The following GRIP2 variants were observed in gnomAD, a reference collection of about 807,000 sequenced individuals.
GRIP2 encodes the protein glutamate receptor interacting protein 2, also known as glutamate receptor-interacting protein 2.
GRIP2 carries 58 observed loss-of-function variants against 108.3 expected under a neutral mutation model. The observed-to-expected ratio is 0.54, with a 90% CI of 0.43 to 0.67. The LOEUF (loss-of-function observed/expected upper bound fraction) is 0.67. Among genes scored for constraint, GRIP2 ranks in the 30% least tolerant of loss-of-function variants. The probability of loss-of-function intolerance (pLI) is 0.00; values close to 1 mark genes in which losing one functional copy is unlikely to be tolerated. For missense variants in GRIP2, 1,278 were observed against 1,430.6 expected, an observed-to-expected ratio of 0.89 and a Z score of 1.72; for synonymous variants, 586 against 598.2, an observed-to-expected ratio of 0.98 and a Z score of 0.30.
chr3:14,497,348 T>C (rs760150729), intron 21 of GRIP2, among the ~76,000 whole-genome samples: 1 of 152,154 alleles, frequency 6.6e-6, no homozygotes, highest in Admixed American at 6.5e-5. Context: ...GCAGTAAGTG[T>C]TACAGAGGTG....
intron 1 of GRIP2, among the ~76,000 whole-genome samples, chr3:14,537,515 C>T (rs1694861622): frequency 6.6e-6 from 1 of 152,274 alleles, no homozygotes; most frequent in African/African-American, 2.4e-5. Context: ...GTAGTACATG[C>T]TCAGCAAATA....
chr3:14,494,230 G>A (rs971884772), intron 23 of GRIP2, among the ~76,000 whole-genome samples: 2 of 152,188 alleles, frequency 1.3e-5, no homozygotes, highest in African/African-American at 4.8e-5. Flanking sequence ...TCCTAATGGA[G>A]ACAAAAAGTT....
At chr3:14,588,458 C>G in the GRIP2 span, among the ~76,000 whole-genome samples, 1 of 152,134 alleles carries the variant, frequency 6.6e-6, no homozygotes, top group East Asian at 1.9e-4. Context: ...TGTCCTCAGA[C>G]ATCAGCCTCA....
Position 14,509,855 on chromosome 3 carries a change from G to A in GRIP2, c.2043C>T (p.Val681=). 1 of 1,539,362 alleles carries A rather than the reference G, an allele frequency of 6.5e-7. No homozygotes were observed. Among genetic ancestry groups the A allele is most frequent in the Non-Finnish European group, 8.8e-7 (1 of 1,140,830 alleles). ...SGTEEPFDPI[V]ISGLTKRGLA... is the part of the protein sequence containing the mutation. Reference sequence around the variant, plus strand: ...GGCCACGCTTGGTGAGGCCTGAGATGACAATGGGGTCAAAAGGTTCCTCCG... The same window carrying A: ...GGCCACGCTTGGTGAGGCCTGAGATAACAATGGGGTCAAAAGGTTCCTCCG... The change falls in exon 17 of 24, where the codon GTC becomes GTT. Residue 681 remains valine (V), a synonymous_variant. Transcript: ENST00000621039.
At position 14,510,367 on chromosome 3, in the gene GRIP2, T is replaced by C. The variant is rs1431245536; in HGVS notation, c.1934-403A>G. Among the ~76,000 whole-genome samples the C allele has an allele frequency of 2.0e-5, 3 of 150,164 alleles. No homozygotes were observed. The East Asian group carries it at 6.0e-4, about 30-fold the overall frequency. On this transcript the variant is annotated intron_variant, in intron 16 of 23. Transcript: ENST00000621039. Reference sequence around the variant, plus strand: ...CATACCTCTGCTTCCAGGGTTCAAGTGATCCTCCCACCTCAGCCTCCCAAG... The same window carrying C: ...CATACCTCTGCTTCCAGGGTTCAAGCGATCCTCCCACCTCAGCCTCCCAAG...
chr3:14,572,668 A>G, the GRIP2 span, among the ~76,000 whole-genome samples: 1 of 151,314 alleles, frequency 6.6e-6, no homozygotes, highest in Non-Finnish European at 1.5e-5. Context: ...GAAGTAGTAT[A>G]ATAAATGCCC....
chr3:14,550,380 C>T (rs558180684), intron 1 of GRIP2, among the ~76,000 whole-genome samples: 1 of 152,268 alleles, frequency 6.6e-6, no homozygotes, highest in South Asian at 2.1e-4. Context: ...TCCAAGCCCT[C>T]GGCACCTCTC....
rs770893833 is a variant in GRIP2 at position 14,521,647 on chromosome 3, G to T, written c.707C>A (p.Thr236Asn). The stretch of plus-strand genomic sequence containing the variant: ...CACTCAGGCCCCCAACTCACCAGGG[G>T]TGGCCACATCATACTCCACCTGAAA... ...ALFQVEYDVA[T>N]PDTVANASGP... Residue 236 changes from threonine to asparagine, a missense_variant, in exon 7 of 24, where the codon ACC (threonine) becomes AAC (asparagine). By Grantham distance (65) the Thr-to-Asn change is moderately conservative (BLOSUM62 0). Coordinates refer to ENST00000621039, the MANE Select transcript of GRIP2 (RefSeq NM_001080423.4). The surrounding 1 kb of genome is among the most constrained non-coding windows in gnomAD (Gnocchi z 5.1). 2 of 1,608,428 alleles carry T rather than the reference G, an allele frequency of 1.2e-6. No individual in the cohort carries two copies. Among genetic ancestry groups the T allele is most frequent in the Non-Finnish European group, 1.7e-6 (2 of 1,176,990 alleles).
the GRIP2 span, chr3:14,573,953 G>T: frequency 9.2e-7 from 1 of 1,085,732 alleles, no homozygotes. Flanking sequence ...CTGCGCGAAT[G>T]AAGCTGTGCA....
Position 14,520,186 on chromosome 3 carries a change from G to A in GRIP2, c.954C>T (p.Ala318=). The change falls in exon 9 of 24, where the codon GCC becomes GCT. Residue 318 remains alanine (A), a synonymous_variant. Transcript: ENST00000621039. Reference sequence around the variant, plus strand: ...CCAGCCGCACCTTCTCTGAAATGCTGGCCAGGAGCTTGGTGGCCTCAAGCA... The same window carrying A: ...CCAGCCGCACCTTCTCTGAAATGCTAGCCAGGAGCTTGGTGGCCTCAAGCA... ...CSLLEATKLL[A]SISEKVRLEI... is the part of the protein sequence containing the mutation. 6.2e-7 allele frequency: 1 copy of A among 1,613,140 alleles called. No individual in the cohort carries two copies. The highest frequency in any genetic ancestry group is 8.5e-7 in the Non-Finnish European group (1 of 1,179,726).
the GRIP2 span, among the ~76,000 whole-genome samples, chr3:14,577,174 T>C: frequency 2.0e-5 from 3 of 152,242 alleles, no homozygotes; most frequent in Non-Finnish European, 2.9e-5. Flanking sequence ...TCAATAACTA[T>C]TTTTACTGTG....
rs1330284050 is a variant in GRIP2 at position 14,493,793 on chromosome 3, A to G, written c.3004T>C (p.Cys1002Arg). 1.2e-6 allele frequency: 2 copies of G among 1,613,508 alleles called. No homozygotes were observed. Among genetic ancestry groups the G allele is most frequent in the African/African-American group, 2.7e-5 (2 of 74,944 alleles). ...TCGGCCAGGAGTGGCACCGCCAGGC[A>G]GCAGTCGAAGTCCCGTGTACGGACG... ...NHVRTRDFDC[C>R]LAVPLLAEAG... The change falls in exon 24 of 24, where the codon TGC (cysteine) becomes CGC (arginine). Residue 1002 changes from cysteine to arginine, a missense_variant. By Grantham distance (180) the Cys-to-Arg change is radical. Coordinates refer to ENST00000621039, the MANE Select transcript of GRIP2 (RefSeq NM_001080423.4).
At chr3:14,582,410 T>C in the GRIP2 span, among the ~76,000 whole-genome samples, 1 of 152,144 alleles carries the variant, frequency 6.6e-6, no homozygotes, top group Non-Finnish European at 1.5e-5. Flanking sequence ...ACCCACAAGA[T>C]TTAGGGACAT....
chr3:14,497,506 G>T (rs1000411195), intron 21 of GRIP2, among the ~76,000 whole-genome samples: 12 of 152,178 alleles, frequency 7.9e-5, no homozygotes, highest in Admixed American at 6.5e-4. Flanking sequence ...AAGCCCTGTG[G>T]TGGGGGGATC....
chr3:14,491,259 G>A lies in GRIP2; in HGVS notation c.*2406C>T, dbSNP rs184082075. 6.6e-6 allele frequency: 1 copy of A among 152,350 alleles called. No individual in the cohort carries two copies. The highest frequency in any genetic ancestry group is 1.9e-4 in the East Asian group (1 of 5,194). The allele number at this position is 152,350 out of a possible 1,614,324, so 9.4% of individuals were successfully genotyped here. A position where few individuals can be genotyped will look rare whatever the true frequency, so the allele number is the denominator to read the frequency against. ...CCTGGTGGGACAAAGACTTAGACGA[G>A]GGCCCCAAACAGACCATAAGCGGCC... On this transcript the variant is annotated 3_prime_UTR_variant, in exon 24 of 24. Coordinates refer to ENST00000621039, the MANE Select transcript of GRIP2 (RefSeq NM_001080423.4).
chr3:14,538,973 C>A (rs777688538), intron 1 of GRIP2, among the ~76,000 whole-genome samples: 1 of 152,186 alleles, frequency 6.6e-6, no homozygotes, highest in African/African-American at 2.4e-5. Flanking sequence ...CTGACCACAG[C>A]AGACCAAGGT....
At chr3:14,568,116 C>T in the GRIP2 span, among the ~76,000 whole-genome samples, 2 of 152,154 alleles carry the variant, frequency 1.3e-5, no homozygotes, top group East Asian at 3.9e-4. Flanking sequence ...AGGTTGGCTG[C>T]AGTGAGGACT....
chr3:14,510,255 G>GT (rs1559336891), intron 16 of GRIP2, among the ~76,000 whole-genome samples: 1 of 124,588 alleles, frequency 8.0e-6, no homozygotes, highest in African/African-American at 2.9e-5. Flanking sequence ...CCGATCATCC[G>GT]TTGTTTTTTT....
chr3:14,597,200 G>A, the GRIP2 span, among the ~76,000 whole-genome samples: 1 of 152,182 alleles, frequency 6.6e-6, no homozygotes, highest in African/African-American at 2.4e-5. Flanking sequence ...AGCATAATAA[G>A]CAATGTGTAA....
Sources: gnomAD v4.1 joint callset for allele counts (sites outside exome capture counted in the v4.1 genomes callset) on GRCh38, gnomAD v4.1.1 for gene constraint, Gnocchi (gnomAD v3.1) non-coding constraint, MANE v1.5 for transcripts, NCBI Gene and HGNC (gene_info 2026-07-23, HGNC 2026-07-21) for gene names.